The following COL24A1 variants were observed in gnomAD, a reference collection of about 807,000 sequenced individuals.
The protein encoded by COL24A1 is collagen alpha-1(XXIV) chain.
A neutral mutation model predicts 253.9 loss-of-function variants in COL24A1; 224 were observed. That is an observed-to-expected ratio of 0.88 (90% CI 0.79 to 0.99). COL24A1 has a LOEUF of 0.99. Ranked by LOEUF, COL24A1 falls within the 50% of genes least tolerant of loss-of-function variation. The pLI, the probability that COL24A1 is intolerant of heterozygous loss-of-function variation, is 0.00. For synonymous variants in COL24A1, 685 were observed against 673.7 expected (o/e 1.02, Z -0.26); for missense variants, 2,131 against 2,068.5 (o/e 1.03, Z -0.59).
chr1:85,964,643 A>G (rs1250339192), intron 23 of COL24A1, among the ~76,000 whole-genome samples: 2 of 152,266 alleles, frequency 1.3e-5, no homozygotes, highest in Non-Finnish European at 2.9e-5. Flanking sequence ...ATGTTCCAAA[A>G]TCTGAAACTT....
chr1:86,047,722 T>C (rs1291540661), intron 11 of COL24A1, among the ~76,000 whole-genome samples: 2 of 152,032 alleles, frequency 1.3e-5, no homozygotes, highest in African/African-American at 4.8e-5. Context: ...TATGTACATA[T>C]ATAAAACCAT....
rs1022122741 is a variant in COL24A1, at chr1:85,842,639, A to T, written c.3463-246T>A. On this transcript the variant is annotated intron_variant, in intron 39 of 59. Transcript: ENST00000370571. The stretch of plus-strand genomic sequence containing the variant: ...GATATAAATATCCTTAATCATATTA[A>T]AAAAAATACTTTCAGTTGTCAGAAT... Among the ~76,000 whole-genome samples the T allele has an allele frequency of 2.6e-4, 15 of 58,496 alleles. 1 individual carries two copies. The highest frequency in any genetic ancestry group is 4.9e-4 in the Non-Finnish European group (11 of 22,528). 38.4% of individuals were successfully genotyped at this position (58,496 alleles called of 152,430 possible). A position where few individuals can be genotyped will look rare whatever the true frequency, so the allele number is the denominator to read the frequency against.
intron 22 of COL24A1, among the ~76,000 whole-genome samples, chr1:85,969,696 C>T (rs1253369673): frequency 2.1e-5 from 3 of 144,032 alleles, no homozygotes; most frequent in Non-Finnish European, 3.0e-5. Context: ...TCATGTGAGT[C>T]TAATGCCTCT....
chr1:86,007,354 C>T (rs573463434), intron 19 of COL24A1, among the ~76,000 whole-genome samples: 7 of 152,276 alleles, frequency 4.6e-5, no homozygotes, highest in African/African-American at 1.7e-4. Context: ...GCAAAAGGAA[C>T]TCTTATTCAT....
intron 24 of COL24A1, among the ~76,000 whole-genome samples, 172 bp downstream of exon 24, chr1:85,961,077 G>A (rs879115679): frequency 6.6e-6 from 1 of 151,732 alleles, no homozygotes; most frequent in South Asian, 2.1e-4. Context: ...TTTCTCTTTT[G>A]TACAATAGGT....
chr1:85,957,059 G>A (rs754924655), intron 24 of COL24A1, among the ~76,000 whole-genome samples: 10 of 151,952 alleles, frequency 6.6e-5, no homozygotes, highest in Non-Finnish European at 1.3e-4. Context: ...AGTTCATGTC[G>A]TACCATCATT....
intron 24 of COL24A1, among the ~76,000 whole-genome samples, chr1:85,956,633 C>T (rs549057684): frequency 7.9e-5 from 12 of 152,248 alleles, no homozygotes; most frequent in African/African-American, 2.6e-4. Flanking sequence ...AAAATCTTCA[C>T]GTGGGGCAGA....
chr1:85,762,737 A>C (rs1214325116), intron 53 of COL24A1, among the ~76,000 whole-genome samples: 3 of 152,220 alleles, frequency 2.0e-5, no homozygotes, highest in Non-Finnish European at 4.4e-5. Context: ...ATGTAAAAAT[A>C]ATAAACAGTT....
In COL24A1 at chr1:85,783,511, A is replaced by G; in HGVS notation, c.4269T>C (p.Gly1423=). 3 of 1,613,204 alleles carry G rather than the reference A, an allele frequency of 1.9e-6. No individual in the cohort carries two copies. Among genetic ancestry groups the G allele is most frequent in the Non-Finnish European group, 2.5e-6 (3 of 1,179,466 alleles). Residue 1423 remains glycine, a synonymous_variant, in exon 51 of 60, where the codon GGT becomes GGC. Transcript: ENST00000370571. ...AGIVGISGPK[G]PIGHRGNTGP... Reference sequence around the variant, plus strand: ...TTACACTTACTCTGTGTCCAATAGGACCTTTAGGACCTGATATCCCAACAA... The same window carrying G: ...TTACACTTACTCTGTGTCCAATAGGGCCTTTAGGACCTGATATCCCAACAA...
At chr1:85,910,316 A>C (rs1321257171) in intron 25 of COL24A1, among the ~76,000 whole-genome samples, 3 of 151,996 alleles carry the variant, frequency 2.0e-5, no homozygotes, top group African/African-American at 7.2e-5. Flanking sequence ...TTTTGTAAGA[A>C]ATGCTTACTA....
chr1:85,746,184 T>A (rs1188350689), intron 55 of COL24A1, among the ~76,000 whole-genome samples: 1 of 152,134 alleles, frequency 6.6e-6, no homozygotes, highest in Non-Finnish European at 1.5e-5. Flanking sequence ...AAATGGCATC[T>A]GTGTAAGTGA....
chr1:86,154,753 CGCGG>C (rs1653270870), intron 1 of COL24A1: 1 of 152,922 alleles, frequency 6.5e-6, no homozygotes, highest in Non-Finnish European at 1.5e-5. Context: ...GTGGGCCTCG[CGCGG>C]TGGCAGAGGG....
chr1:85,945,016 T>TTTTTTG (rs1689163233), intron 24 of COL24A1, among the ~76,000 whole-genome samples: 1 of 89,628 alleles, frequency 1.1e-5, no homozygotes, highest in African/African-American at 4.2e-5. Context: ...TTTTTTTTTT[T>TTTTTTG]TTTTTTTTTT....
At chr1:85,742,899 A>G (rs1664809447) in intron 57 of COL24A1, among the ~76,000 whole-genome samples, 2 of 152,128 alleles carry the variant, frequency 1.3e-5, no homozygotes, top group African/African-American at 4.8e-5. Flanking sequence ...TAGTGTTCCA[A>G]TAATGGAACG....
chr1:86,004,196 T>C (rs1053352838), intron 19 of COL24A1, among the ~76,000 whole-genome samples: 1 of 152,150 alleles, frequency 6.6e-6, no homozygotes, highest in Non-Finnish European at 1.5e-5. Flanking sequence ...TTTCTTACAT[T>C]GGGCACCTTC....
chr1:86,029,146 T>C (rs754081610), intron 14 of COL24A1, among the ~76,000 whole-genome samples: 21 of 86,606 alleles, frequency 2.4e-4, no homozygotes, highest in Non-Finnish European at 4.1e-4. Context: ...TTCTAAGTTC[T>C]CAGGAAAAAA....
chr1:85,823,005 T>A (rs926335685), intron 45 of COL24A1, among the ~76,000 whole-genome samples: 1 of 152,198 alleles, frequency 6.6e-6, no homozygotes, highest in South Asian at 2.1e-4. Context: ...TCCTTTGTTA[T>A]AAATTCCTAC....
chr1:86,054,132 T>C lies in COL24A1; in HGVS notation c.1851+3799A>G, dbSNP rs533337128. On this transcript the variant is annotated intron_variant, in intron 10 of 59. Transcript: ENST00000370571. ...GGACTCCTACCTCTGACTGAGTTAA[T>C]ATATAAAAATTAACTCAAGATGAAT... Among the ~76,000 whole-genome samples, 17 of 152,244 alleles carry C rather than the reference T, an allele frequency of 1.1e-4. 1 individual carries two copies. The highest frequency in any genetic ancestry group is 4.1e-4 in the South Asian group (2 of 4,832).
intron 53 of COL24A1, among the ~76,000 whole-genome samples, chr1:85,772,499 C>T (rs1570547895): frequency 6.6e-6 from 1 of 152,060 alleles, no homozygotes; most frequent in African/African-American, 2.4e-5. Flanking sequence ...TATAAAGACA[C>T]ATGCACACGT....
Sources: allele counts gnomAD v4.1 joint callset (sites outside exome capture counted in the v4.1 genomes callset), GRCh38; gene constraint gnomAD v4.1.1; transcripts MANE v1.5; gene names NCBI Gene and HGNC (gene_info 2026-07-23, HGNC 2026-07-21).